ANKAR: variants seen among roughly 807,000 people sequenced by gnomAD.
ANKAR encodes the protein ankyrin and armadillo repeat containing.
Under a neutral mutation model 146.2 loss-of-function variants are expected in ANKAR, and 136 were observed. That is an observed-to-expected ratio of 0.93 (90% CI 0.81 to 1.07). The LOEUF (loss-of-function observed/expected upper bound fraction) is 1.07, where lower values mean the gene tolerates loss of function less well. Ranked by LOEUF, ANKAR falls within the 50% of genes least tolerant of loss-of-function variation. ANKAR has a pLI of 0.00. For missense variants in ANKAR, 1,567 were observed against 1,679.9 expected (o/e 0.93, Z 1.18); for synonymous variants, 500 against 575.8 (o/e 0.87, Z 1.88).
intron 2 of ANKAR, among the ~76,000 whole-genome samples, chr2:189,683,133 A>G (rs76145902): frequency 0.019 from 2,839 of 152,312 alleles, 89 homozygotes; most frequent in African/African-American, 0.064. Flanking sequence ...ATGGGTCCTC[A>G]TCAGACACCA....
intron 12 of ANKAR, among the ~76,000 whole-genome samples, chr2:189,721,660 T>G (rs2041252436): frequency 6.6e-6 from 1 of 152,186 alleles, no homozygotes; most frequent in African/African-American, 2.4e-5. Flanking sequence ...TCTCCTGGGT[T>G]CTGTAAGAAT....
intron 21 of ANKAR, 129 bp from the exon 22 acceptor site, chr2:189,744,613 G>A: frequency 1.7e-6 from 1 of 580,020 alleles, no homozygotes. Flanking sequence ...GTTAGTGGAG[G>A]TAACATGTAT....
Position 189,696,354 on chromosome 2 carries a change from G to A in ANKAR, c.1693G>A (p.Val565Ile), listed in dbSNP as rs199837087. The A allele has an allele frequency of 9.7e-5, 156 of 1,613,192 alleles. No individual in the cohort carries two copies. Among genetic ancestry groups the A allele is most frequent in the Non-Finnish European group, 8.5e-6 (10 of 1,179,798 alleles). The change falls in exon 7 of 23, where the codon GTT (valine) becomes ATT (isoleucine). Residue 565 changes from valine (V) to isoleucine (I), a missense_variant. Val to Ile is a conservative substitution (Grantham distance 29). Coordinates refer to ENST00000684021, the MANE Select transcript of ANKAR (RefSeq NM_001378068.1). ...CTTCAAGGTCAACCAGAGGCGCTTT[G>A]TTACGTTCAGCCAAGGTACCATAAA... is the stretch of plus-strand genomic sequence containing the variant. The part of the protein sequence containing the change: ...ANFKVNQRRF[V>I]TFSQGPTPLH...
chr2:189,742,893 CTAGAATTACCTG>C (rs1354327510), intron 20 of ANKAR, among the ~76,000 whole-genome samples: 129 of 73,582 alleles, frequency 1.8e-3, no homozygotes, highest in African/African-American at 4.6e-3. Flanking sequence ...CACACACACA[CTAGAATTACCTG>C]ACACACACAC....
downstream of ANKAR, chr2:189,761,304 T>G: frequency 3.7e-6 from 4 of 1,093,252 alleles, no homozygotes; most frequent in South Asian, 7.3e-5. Context: ...TTATTAAAAG[T>G]GTTTGCAAAA....
intron 19 of ANKAR, among the ~76,000 whole-genome samples, chr2:189,739,042 C>T (rs146013055): frequency 6.6e-6 from 1 of 152,188 alleles, no homozygotes; most frequent in Non-Finnish European, 1.5e-5. Context: ...AGATGTACCT[C>T]TGTCTGGTTT....
At chr2:189,698,075 A>G (rs1292525446) in intron 7 of ANKAR, among the ~76,000 whole-genome samples, 1 of 152,178 alleles carries the variant, frequency 6.6e-6, no homozygotes, top group East Asian at 1.9e-4. Flanking sequence ...ATTCCCTTTT[A>G]AAACAGAGTC....
chr2:189,710,716 A>G (rs935355811), intron 9 of ANKAR, among the ~76,000 whole-genome samples: 3 of 152,180 alleles, frequency 2.0e-5, no homozygotes, highest in African/African-American at 7.2e-5. Context: ...ATGGTAGATT[A>G]CCTGAGCCCA....
In ANKAR at chr2:189,742,980, A is replaced by C. The variant is rs1043746615; in HGVS notation, c.3811-295A>C. On this transcript the variant is annotated intron_variant, in intron 20 of 22. Transcript: ENST00000684021. The stretch of plus-strand genomic sequence containing the variant: ...CACACACACACACACACACACACAC[A>C]CCCCTGAAAGGATTCTGATTTAGTT... Among the ~76,000 whole-genome samples, 408 of 115,730 alleles carry C rather than the reference A, an allele frequency of 3.5e-3. 3 individuals carry two copies. The highest frequency in any genetic ancestry group is 5.5e-3 in the Non-Finnish European group (309 of 55,910). 75.9% of individuals were successfully genotyped at this position (115,730 alleles called of 152,430 possible).
intron 7 of ANKAR, among the ~76,000 whole-genome samples, chr2:189,698,813 T>C (rs914558175): frequency 2.0e-5 from 3 of 152,102 alleles, no homozygotes; most frequent in African/African-American, 7.2e-5. Flanking sequence ...CACAGGTTGC[T>C]TTTTCTGCAG....
intron 14 of ANKAR, 58 bp downstream of exon 14, chr2:189,728,478 C>G: frequency 3.3e-6 from 5 of 1,527,332 alleles, no homozygotes; most frequent in Non-Finnish European, 4.4e-6. Context: ...TGCTCTGTTG[C>G]CCAGCCTGGT....
intron 17 of ANKAR, among the ~76,000 whole-genome samples, chr2:189,734,862 G>T (rs1170324534): frequency 6.6e-6 from 1 of 151,988 alleles, no homozygotes; most frequent in Admixed American, 6.6e-5. Context: ...TACTTGGGAG[G>T]CTGAGGCAGG....
intron 7 of ANKAR, among the ~76,000 whole-genome samples, chr2:189,703,491 G>A (rs1231888651): frequency 1.3e-5 from 2 of 152,186 alleles, no homozygotes; most frequent in Non-Finnish European, 2.9e-5. Context: ...AAGAGAACCA[G>A]GTTTGGAGGG....
chr2:189,692,487 G>C, intron 4 of ANKAR, 69 bp downstream of exon 4: 1 of 1,443,274 alleles, frequency 6.9e-7, no homozygotes, highest in Non-Finnish European at 9.3e-7. Flanking sequence ...CAACCAAAAA[G>C]AGCCTCTGTT....
At chr2:189,752,037 A>T (rs2045342851) in intron 18 of ANKAR, among the ~76,000 whole-genome samples, 1 of 151,746 alleles carries the variant, frequency 6.6e-6, no homozygotes, top group African/African-American at 2.4e-5. Flanking sequence ...CCAGCTACTC[A>T]GGAGGCTGAG....
At chr2:189,754,045 G>T (rs1414558468) in intron 18 of ANKAR, 1 of 1,613,240 alleles carries the variant, frequency 6.2e-7, no homozygotes. Context: ...CTGAAGACAG[G>T]ATTTGCCCCT....
chr2:189,746,614 C>A lies in ANKAR; in HGVS notation c.4292C>A (p.Pro1431His). Residue 1431 changes from proline (P) to histidine (H), a missense_variant, in exon 23 of 23, where the codon CCT becomes CAT. Pro to His is a moderately conservative substitution (Grantham distance 77). Coordinates refer to ENST00000684021, the MANE Select transcript of ANKAR (RefSeq NM_001378068.1). ...GKHVQKANPE[P>H]AEG ...CATGTCCAGAAAGCCAACCCAGAGC[C>A]TGCAGAAGGCTAATAAAACATTTTA... The A allele has an allele frequency of 6.3e-7, 1 of 1,589,148 alleles. No homozygotes were observed. The highest frequency in any genetic ancestry group is 8.5e-7 in the Non-Finnish European group (1 of 1,173,014).
chr2:189,733,456 G>T (rs2042584713), intron 17 of ANKAR, among the ~76,000 whole-genome samples: 1 of 151,968 alleles, frequency 6.6e-6, no homozygotes, highest in Admixed American at 6.6e-5. Context: ...TTAATGTTTG[G>T]TGATGAGTCA....
chr2:189,734,302 A>G (rs1359741566), intron 17 of ANKAR, among the ~76,000 whole-genome samples: 1 of 152,262 alleles, frequency 6.6e-6, no homozygotes, highest in Non-Finnish European at 1.5e-5. Context: ...CACCAATCTT[A>G]GCATCCATTG....
Sources: allele counts gnomAD v4.1 joint callset (sites outside exome capture counted in the v4.1 genomes callset), GRCh38; gene constraint gnomAD v4.1.1; transcripts MANE v1.5; gene names NCBI Gene and HGNC (gene_info 2026-07-23, HGNC 2026-07-21).